The following GABRB1 variants were observed in gnomAD, a reference collection of about 807,000 sequenced individuals.
GABRB1 encodes the protein gamma-aminobutyric acid type A receptor subunit beta1.
A neutral mutation model predicts 51.6 loss-of-function variants in GABRB1; 17 were observed. That is an observed-to-expected ratio of 0.33 (90% CI 0.23 to 0.49). The LOEUF (loss-of-function observed/expected upper bound fraction) is 0.49. GABRB1 is among the 20% of genes least tolerant of loss of function. The pLI is 0.99. For synonymous variants in GABRB1, 247 were observed against 218.9 expected, an observed-to-expected ratio of 1.13 and a Z score of -1.14; for missense variants, 410 against 600.6, an observed-to-expected ratio of 0.68 and a Z score of 3.32.
chr4:47,257,891 T>C (rs1722277311), intron 4 of GABRB1, among the ~76,000 whole-genome samples: 1 of 152,018 alleles, frequency 6.6e-6, no homozygotes, highest in Admixed American at 6.6e-5. Context: ...TACACTTCAC[T>C]CCACTGCCTC....
intron 4 of GABRB1, among the ~76,000 whole-genome samples, chr4:47,290,651 A>G (rs2094744410): frequency 6.6e-6 from 1 of 152,106 alleles, no homozygotes. Context: ...TAAGGTGCAG[A>G]CTGAGGTGAT....
chr4:47,411,712 G>A (rs891616349), intron 8 of GABRB1, among the ~76,000 whole-genome samples: 4 of 152,118 alleles, frequency 2.6e-5, no homozygotes, highest in Non-Finnish European at 5.9e-5. Flanking sequence ...ATCAGTTGGA[G>A]AACCTGGGTG....
chr4:47,171,286 G>T (rs1718425702), intron 4 of GABRB1, among the ~76,000 whole-genome samples: 1 of 149,696 alleles, frequency 6.7e-6, no homozygotes, highest in South Asian at 2.1e-4. Context: ...AAAAAGAAAA[G>T]ACTTAGATAA....
At chr4:47,290,524 C>A (rs537030961) in intron 4 of GABRB1, among the ~76,000 whole-genome samples, 26 of 152,158 alleles carry the variant, frequency 1.7e-4, no homozygotes, top group African/African-American at 4.8e-4. Context: ...GGGTAACAGG[C>A]AGGGATTGGG....
At chr4:47,420,157 G>A (rs1453979719) in intron 8 of GABRB1, among the ~76,000 whole-genome samples, 1 of 152,144 alleles carries the variant, frequency 6.6e-6, no homozygotes, top group African/African-American at 2.4e-5. Flanking sequence ...AGCACAGGAG[G>A]GTTCAACATG....
At chr4:47,129,003 A>G (rs902825395) in intron 3 of GABRB1, among the ~76,000 whole-genome samples, 2 of 152,120 alleles carry the variant, frequency 1.3e-5, no homozygotes, top group African/African-American at 4.8e-5. Flanking sequence ...GAAGAATAAA[A>G]TAGTATCAGC....
chr4:47,284,979 A>G (rs1404066188), intron 4 of GABRB1, among the ~76,000 whole-genome samples: 3 of 152,216 alleles, frequency 2.0e-5, no homozygotes, highest in African/African-American at 7.2e-5. Context: ...GTACCCCATG[A>G]AATAAGGATT....
At chr4:47,195,409 T>C (rs1276731274) in intron 4 of GABRB1, among the ~76,000 whole-genome samples, 3 of 68,892 alleles carry the variant, frequency 4.4e-5, no homozygotes, top group Non-Finnish European at 9.1e-5. Context: ...GATAGATAGA[T>C]AGATAGATAG....
chr4:47,424,751 T>G (rs916706983), intron 8 of GABRB1, among the ~76,000 whole-genome samples: 1 of 152,160 alleles, frequency 6.6e-6, no homozygotes, highest in Admixed American at 6.5e-5. Context: ...GTAAATCAGT[T>G]TGCAAAGTAT....
At chr4:47,404,484 C>T (rs1315497588) in intron 7 of GABRB1, among the ~76,000 whole-genome samples, 2 of 117,092 alleles carry the variant, frequency 1.7e-5, no homozygotes, top group East Asian at 4.5e-4. Flanking sequence ...TTCTCACACA[C>T]GCATGCACAC....
chr4:47,049,333 C>T (rs1726241466), intron 3 of GABRB1, among the ~76,000 whole-genome samples: 1 of 152,128 alleles, frequency 6.6e-6, no homozygotes, highest in Non-Finnish European at 1.5e-5. Context: ...TCTAATGGGG[C>T]CGTACGTCAA....
At chr4:47,082,002 A>G (rs1727867969) in intron 3 of GABRB1, among the ~76,000 whole-genome samples, 1 of 152,062 alleles carries the variant, frequency 6.6e-6, no homozygotes, top group Non-Finnish European at 1.5e-5. Context: ...ATTTCACAAA[A>G]TTATTAAGTA....
chr4:47,027,295 C>A (rs1313706329), upstream of GABRB1, among the ~76,000 whole-genome samples: 1 of 150,550 alleles, frequency 6.6e-6, no homozygotes, highest in Admixed American at 6.6e-5. Context: ...GAAGACATTC[C>A]AAAAAGAATA....
At chr4:47,062,472 C>T (rs1726885771) in intron 3 of GABRB1, among the ~76,000 whole-genome samples, 2 of 150,446 alleles carry the variant, frequency 1.3e-5, no homozygotes, top group Admixed American at 1.3e-4. Flanking sequence ...TAAATGTTAA[C>T]TTGTAACAAT....
intron 3 of GABRB1, among the ~76,000 whole-genome samples, chr4:47,103,696 TAA>T (rs1365486963): frequency 6.6e-6 from 1 of 151,938 alleles, no homozygotes; most frequent in Non-Finnish European, 1.5e-5. Flanking sequence ...AGAACAATAA[TAA>T]ACATATTTTA....
intron 1 of GABRB1, among the ~76,000 whole-genome samples, chr4:47,017,843 A>G (rs934437804): frequency 6.6e-6 from 1 of 152,216 alleles, no homozygotes; most frequent in Non-Finnish European, 1.5e-5. Flanking sequence ...AGTTCAGAAT[A>G]TGGTTAGAAA....
At chr4:47,344,396 A>T (rs1416034062) in intron 5 of GABRB1, among the ~76,000 whole-genome samples, 2 of 152,196 alleles carry the variant, frequency 1.3e-5, no homozygotes, top group Non-Finnish European at 2.9e-5. Flanking sequence ...TCATGATATT[A>T]TATGGTTAGA....
chr4:47,240,624 C>G (rs966099839), intron 4 of GABRB1, among the ~76,000 whole-genome samples: 7 of 152,142 alleles, frequency 4.6e-5, no homozygotes, highest in African/African-American at 1.7e-4. Flanking sequence ...GAATCCAGAA[C>G]CACAAAGAAC....
chr4:47,180,478 G>A (rs192738131), intron 4 of GABRB1, among the ~76,000 whole-genome samples: 3 of 152,148 alleles, frequency 2.0e-5, no homozygotes, highest in Non-Finnish European at 2.9e-5. Flanking sequence ...CCTGTGAAAC[G>A]GAAAGTAATA....
Sources: allele counts gnomAD v4.1 joint callset (sites outside exome capture counted in the v4.1 genomes callset), GRCh38; gene constraint gnomAD v4.1.1; transcripts MANE v1.5; gene names NCBI Gene and HGNC (gene_info 2026-07-23, HGNC 2026-07-21).